LRRIQ1: variants seen among roughly 807,000 people sequenced by gnomAD.
LRRIQ1 encodes leucine rich repeats and IQ motif containing 1.
LRRIQ1 carries 210 observed loss-of-function variants against 211.9 expected under a neutral mutation model. The observed-to-expected ratio is 0.99, with a 90% CI of 0.89 to 1.11. The LOEUF (loss-of-function observed/expected upper bound fraction) is 1.11. Among genes scored for constraint, LRRIQ1 ranks in the 50% most tolerant of loss-of-function variants. The probability of loss-of-function intolerance (pLI) is 0.00; values close to 1 mark genes in which losing one functional copy is unlikely to be tolerated. For synonymous variants in LRRIQ1, 699 were observed against 650.1 expected (o/e 1.08, Z -1.14); for missense variants, 2,136 against 1,939.5 (o/e 1.10, Z -1.90).
At chr12:85,041,438 G>A (rs1044876505) in intron 3 of LRRIQ1, among the ~76,000 whole-genome samples, 5 of 151,474 alleles carry the variant, frequency 3.3e-5, no homozygotes, top group African/African-American at 9.7e-5. Flanking sequence ...AGAGACTGGA[G>A]TTTGCTATTT....
At chr12:85,120,041 T>C (rs1887861489) in intron 15 of LRRIQ1, among the ~76,000 whole-genome samples, 2 of 152,218 alleles carry the variant, frequency 1.3e-5, no homozygotes, top group East Asian at 1.9e-4. Flanking sequence ...ATTTTTTCTT[T>C]CCTTGATTTA....
intron 13 of LRRIQ1, among the ~76,000 whole-genome samples, chr12:85,100,118 G>A (rs572817999): frequency 6.6e-6 from 1 of 151,856 alleles, no homozygotes; most frequent in South Asian, 2.1e-4. Flanking sequence ...GACATACGCA[G>A]TAAGTCACGG....
chr12:85,155,208 A>G (rs936916023), intron 23 of LRRIQ1, among the ~76,000 whole-genome samples: 5 of 151,470 alleles, frequency 3.3e-5, no homozygotes, highest in African/African-American at 1.2e-4. Flanking sequence ...CTTTTTTGTG[A>G]TAACATTTTT....
intron 24 of LRRIQ1, among the ~76,000 whole-genome samples, chr12:85,218,837 T>G (rs1894272377): frequency 6.6e-6 from 1 of 152,134 alleles, no homozygotes; most frequent in African/African-American, 2.4e-5. Context: ...GAATTAGTAT[T>G]ACTGATTTTT....
intron 24 of LRRIQ1, among the ~76,000 whole-genome samples, chr12:85,162,512 GACTCAT>G (rs1235834348): frequency 6.6e-6 from 1 of 152,086 alleles, no homozygotes; most frequent in Non-Finnish European, 1.5e-5. Context: ...ACATATCTCA[GACTCAT>G]AAAGAGAATC....
intron 24 of LRRIQ1, among the ~76,000 whole-genome samples, chr12:85,217,494 ATATATATATATATATGTGTG>A (rs1434499117): frequency 2.8e-5 from 2 of 72,262 alleles, no homozygotes; most frequent in African/African-American, 9.9e-5. Flanking sequence ...ATATATATGT[ATATATATATATATATGTGTG>A]TGTGTGTGTG....
At chr12:85,243,627 A>G (rs1183921410) in intron 26 of LRRIQ1, among the ~76,000 whole-genome samples, 1 of 151,326 alleles carries the variant, frequency 6.6e-6, no homozygotes, top group Non-Finnish European at 1.5e-5. Flanking sequence ...TATATTTTAA[A>G]ACATTGTGTT....
intron 24 of LRRIQ1, among the ~76,000 whole-genome samples, chr12:85,168,681 T>C (rs948347275): frequency 6.6e-6 from 1 of 152,086 alleles, no homozygotes; most frequent in Non-Finnish European, 1.5e-5. Flanking sequence ...GAGTACCATA[T>C]ATTGGACACT....
chr12:85,166,943 G>C (rs1202256111), intron 24 of LRRIQ1, among the ~76,000 whole-genome samples: 1 of 152,154 alleles, frequency 6.6e-6, no homozygotes, highest in Non-Finnish European at 1.5e-5. Flanking sequence ...TTAGCACAGT[G>C]CCTAATGTAT....
chr12:85,122,056 G>A (rs775705154), intron 16 of LRRIQ1, among the ~76,000 whole-genome samples, 180 bp downstream of exon 16: 25 of 152,026 alleles, frequency 1.6e-4, no homozygotes, highest in Non-Finnish European at 5.9e-5. Context: ...ATATTAATAT[G>A]TATTTTGAAC....
intron 1 of LRRIQ1, among the ~76,000 whole-genome samples, chr12:85,261,175 G>T (rs1896275576): frequency 6.6e-6 from 1 of 151,982 alleles, no homozygotes; most frequent in Admixed American, 6.5e-5. Flanking sequence ...GTAGACATGA[G>T]CATTAGTCTT....
At chr12:85,145,200 A>G (rs1889805345) in intron 19 of LRRIQ1, among the ~76,000 whole-genome samples, 1 of 151,662 alleles carries the variant, frequency 6.6e-6, no homozygotes, top group African/African-American at 2.4e-5. Context: ...GACAGAAAAA[A>G]CATAGCTCTA....
At chr12:85,086,935 CATTATTATTATT>C (rs202087547) in intron 11 of LRRIQ1, among the ~76,000 whole-genome samples, 2 of 149,230 alleles carry the variant, frequency 1.3e-5, no homozygotes, top group South Asian at 2.1e-4. Flanking sequence ...GATTGTTCTT[CATTATTATTATT>C]ATTATTATTA....
chr12:85,198,139 ATATAT>A (rs1410907029), intron 24 of LRRIQ1, among the ~76,000 whole-genome samples: 24 of 122,758 alleles, frequency 2.0e-4, no homozygotes, highest in Admixed American at 4.3e-4. Flanking sequence ...ATTATATATA[ATATAT>A]TATATTATGT....
chr12:85,109,416 T>C (rs1887009127), intron 15 of LRRIQ1, among the ~76,000 whole-genome samples: 1 of 152,202 alleles, frequency 6.6e-6, no homozygotes, highest in Non-Finnish European at 1.5e-5. Flanking sequence ...TTCTTTCTTT[T>C]TTCTTTAGAG....
At chr12:85,151,250 G>A (rs1359417054) in intron 19 of LRRIQ1, among the ~76,000 whole-genome samples, 1 of 151,392 alleles carries the variant, frequency 6.6e-6, no homozygotes, top group Non-Finnish European at 1.5e-5. Flanking sequence ...TGCAAGTTTG[G>A]TTAGGTATCC....
chr12:85,268,751 C>CTTTGT (rs1565936092), downstream of LRRIQ1, among the ~76,000 whole-genome samples: 1 of 151,904 alleles, frequency 6.6e-6, no homozygotes, highest in Non-Finnish European at 1.5e-5. Flanking sequence ...ATATCCACCA[C>CTTTGT]TTTGTTTTGT....
At chr12:85,152,426 G>C (rs1269033750) in intron 20 of LRRIQ1, 57 bp downstream of exon 20, 28 of 1,384,022 alleles carry the variant, frequency 2.0e-5, no homozygotes, top group African/African-American at 5.8e-5. Context: ...TTAAGGTTAT[G>C]CTATGTTGCA....
intron 24 of LRRIQ1, among the ~76,000 whole-genome samples, chr12:85,180,386 T>G (rs539419166): frequency 4.1e-4 from 63 of 151,992 alleles, no homozygotes; most frequent in African/African-American, 1.3e-3. Context: ...CCATGAAAAT[T>G]TTATAGTACT....
Sources: gnomAD v4.1 joint callset for allele counts (sites outside exome capture counted in the v4.1 genomes callset) on GRCh38, gnomAD v4.1.1 for gene constraint, MANE v1.5 for transcripts, NCBI Gene and HGNC (gene_info 2026-07-23, HGNC 2026-07-21) for gene names.